THOC1: variants seen among roughly 807,000 people sequenced by gnomAD.
The protein encoded by THOC1 is THO complex 1.
THOC1 carries 29 observed loss-of-function variants against 97.3 expected under a neutral mutation model. That is an observed-to-expected ratio of 0.30 (90% confidence interval 0.22 to 0.41). THOC1 has a LOEUF of 0.41. THOC1 is among the 10% of genes least tolerant of loss of function. The pLI is 1.00. For missense variants in THOC1, 529 were observed against 761.9 expected, an observed-to-expected ratio of 0.69 and a Z score of 3.60; for synonymous variants, 255 against 257.0, an observed-to-expected ratio of 0.99 and a Z score of 0.07.
intron 9 of THOC1, among the ~76,000 whole-genome samples, chr18:250,522 A>G (rs1314325880): frequency 6.6e-6 from 1 of 152,258 alleles, no homozygotes; most frequent in Non-Finnish European, 1.5e-5. Context: ...AAAACTTGAT[A>G]TATTTTTTTA....
chr18:259,633 G>A, intron 6 of THOC1, 49 bp downstream of exon 6: 1 of 1,341,712 alleles, frequency 7.5e-7, no homozygotes, highest in Non-Finnish European at 1.0e-6. Flanking sequence ...GTGTTTTTCT[G>A]GGCATATTTA....
intron 11 of THOC1, among the ~76,000 whole-genome samples, chr18:241,459 T>G (rs144170945): frequency 2.5e-4 from 38 of 152,264 alleles, no homozygotes; most frequent in African/African-American, 8.4e-4. Flanking sequence ...AATTGTGAAT[T>G]TTCTTTTCTC....
intron 1 of THOC1, 70 bp downstream of exon 1, chr18:267,896 A>C: frequency 6.8e-7 from 1 of 1,476,100 alleles, no homozygotes; most frequent in Non-Finnish European, 9.2e-7. Context: ...GCAAAATTCG[A>C]GTAATTTCAG....
At chr18:223,978 A>T in intron 16 of THOC1, 106 bp downstream of exon 16, 1 of 849,852 alleles carries the variant, frequency 1.2e-6, no homozygotes, top group Non-Finnish European at 1.9e-6. Context: ...CTATGTGTGT[A>T]CCAAACACAA....
chr18:243,046 A>G (rs1026307391), intron 11 of THOC1, among the ~76,000 whole-genome samples: 1 of 152,240 alleles, frequency 6.6e-6, no homozygotes, highest in Admixed American at 6.5e-5. Flanking sequence ...ATTTAAGACA[A>G]AGTTGTTGCT....
intron 10 of THOC1, 103 bp from the exon 11 acceptor site, chr18:246,558 T>G: frequency 1.1e-6 from 1 of 942,952 alleles, no homozygotes; most frequent in Non-Finnish European, 1.6e-6. Flanking sequence ...CAATCATGTA[T>G]GTAGACTGTA....
rs928367020 is a variant in THOC1, at chr18:243,537, C to CA, written c.918+2786dup. ...TGGGCGACAGAGCAAAACTCCGTCTCAAAAAAAAATATATATATATATATC... is the reference window on the plus strand; with the variant it reads ...TGGGCGACAGAGCAAAACTCCGTCTCAAAAAAAAAATATATATATATATATC... On this transcript the variant is annotated intron_variant, in intron 11 of 20. Coordinates refer to ENST00000261600, the MANE Select transcript of THOC1 (RefSeq NM_005131.3). 2.1e-3 allele frequency among the ~76,000 whole-genome samples: 310 copies of CA among 146,818 alleles called. 2 individuals carry two copies. Among genetic ancestry groups the CA allele is most frequent in the East Asian group, 0.014 (68 of 5,008 alleles).
chr18:232,834 C>CT (rs1408310528), intron 11 of THOC1, among the ~76,000 whole-genome samples: 1 of 152,056 alleles, frequency 6.6e-6, no homozygotes, highest in Non-Finnish European at 1.5e-5. Flanking sequence ...TGCTTAGCAA[C>CT]TTTTATAAGC....
chr18:229,077 T>G (rs981160955), intron 11 of THOC1, among the ~76,000 whole-genome samples: 4 of 152,208 alleles, frequency 2.6e-5, no homozygotes, highest in Admixed American at 2.0e-4. Flanking sequence ...CCTACACCTT[T>G]GTTTACTTCA....
intron 11 of THOC1, 174 bp downstream of exon 11, chr18:246,150 T>C (rs1912080153): frequency 9.3e-6 from 5 of 535,580 alleles, no homozygotes; most frequent in Non-Finnish European, 1.6e-5. Context: ...ACCAAATTAG[T>C]CCTACTTCTG....
intron 5 of THOC1, 97 bp from the exon 6 acceptor site, chr18:259,827 G>T: frequency 1.2e-6 from 1 of 825,098 alleles, no homozygotes. Context: ...ACACTAACAT[G>T]CACTGAGAAT....
Position 265,529 on chromosome 18 carries a change from T to G in THOC1, c.56A>C (p.Lys19Thr). 6 of 1,567,466 alleles carry G rather than the reference T, an allele frequency of 3.8e-6. No homozygotes were observed. Among genetic ancestry groups the G allele is most frequent in the Non-Finnish European group, 5.2e-6 (6 of 1,158,880 alleles). The change falls in exon 2 of 21, where the codon AAG becomes ACG. Residue 19 changes from lysine (K) to threonine (T), a missense_variant and splice_region_variant. This residue lies in a region of THOC1 where 114 missense variants were observed against 97.4 expected (regional missense o/e 1.17). Coordinates refer to ENST00000261600, the MANE Select transcript of THOC1 (RefSeq NM_005131.3). Reference protein sequence around the residue: ...SLPEARTRFTKSTREALNNKN... With the variant: ...SLPEARTRFTTSTREALNNKN... ...GTTGTTCAAGGCCTCTCTGGTAGAC[T>G]TCTAAAAAAAAATTAAAATGGCAAA...
At chr18:239,559 G>A (rs190532426) in intron 11 of THOC1, among the ~76,000 whole-genome samples, 2 of 152,284 alleles carry the variant, frequency 1.3e-5, no homozygotes, top group Admixed American at 1.3e-4. Context: ...GTCTGCCTCG[G>A]CCTCCCAGAG....
intron 4 of THOC1, among the ~76,000 whole-genome samples, chr18:262,802 G>A (rs1435297476): frequency 4.6e-5 from 7 of 152,168 alleles, no homozygotes; most frequent in Non-Finnish European, 8.8e-5. Flanking sequence ...AACACATAAT[G>A]TGAATAATGC....
chr18:258,088 A>C (rs1330179091), intron 7 of THOC1, among the ~76,000 whole-genome samples: 1 of 152,164 alleles, frequency 6.6e-6, no homozygotes, highest in African/African-American at 2.4e-5. Context: ...AGAAAACCAA[A>C]GGAGAAAAAA....
At chr18:248,916 A>G (rs1912184465) in intron 9 of THOC1, among the ~76,000 whole-genome samples, 1 of 151,954 alleles carries the variant, frequency 6.6e-6, no homozygotes, top group Admixed American at 6.6e-5. Context: ...ATGCCCGGCT[A>G]ATTTTTTGTA....
intron 9 of THOC1, among the ~76,000 whole-genome samples, chr18:252,163 G>A (rs1001246690): frequency 5.9e-5 from 9 of 152,214 alleles, no homozygotes; most frequent in Non-Finnish European, 1.0e-4. Flanking sequence ...CAAGGGGAGA[G>A]AAGGAGGAAA....
intron 7 of THOC1, among the ~76,000 whole-genome samples, chr18:255,259 G>A (rs138112967): frequency 6.6e-5 from 10 of 152,286 alleles, no homozygotes; most frequent in South Asian, 2.1e-4. Context: ...ATTAAGCTTA[G>A]TAATTAAGGC....
At chr18:221,640 GCT>G (rs1477037214) in intron 17 of THOC1, among the ~76,000 whole-genome samples, 3 of 121,752 alleles carry the variant, frequency 2.5e-5, no homozygotes, top group Non-Finnish European at 4.8e-5. Flanking sequence ...ACGGAGTCTC[GCT>G]CTGTCGCCCA....
Sources: allele counts gnomAD v4.1 joint callset (sites outside exome capture counted in the v4.1 genomes callset), GRCh38; gene constraint gnomAD v4.1.1; regional missense constraint gnomAD v4.1.1; transcripts MANE v1.5; gene names NCBI Gene and HGNC (gene_info 2026-07-23, HGNC 2026-07-21).